The following PBX1 variants were observed in gnomAD, a reference collection of about 807,000 sequenced individuals.
PBX1 encodes the protein PBX homeobox 1.
A neutral mutation model predicts 53.4 loss-of-function variants in PBX1; 6 were observed. The ratio of observed to expected loss-of-function variants is 0.11; its 90% CI spans 0.06 to 0.22. PBX1 has a LOEUF of 0.22. Among genes scored for constraint, PBX1 ranks in the 10% least tolerant of loss-of-function variants. The pLI is 1.00. For synonymous variants in PBX1, 204 were observed against 212.3 expected, an observed-to-expected ratio of 0.96 and a Z score of 0.34; for missense variants, 251 against 551.4, an observed-to-expected ratio of 0.46 and a Z score of 5.46.
intron 8 of PBX1, among the ~76,000 whole-genome samples, chr1:164,842,708 A>G (rs1289423329): frequency 6.6e-6 from 1 of 152,132 alleles, no homozygotes; most frequent in African/African-American, 2.4e-5. Context: ...ACACTCTTCC[A>G]CTAAATTGTT....
At chr1:164,606,650 G>T (rs1363415893) in intron 2 of PBX1, among the ~76,000 whole-genome samples, 1 of 152,168 alleles carries the variant, frequency 6.6e-6, no homozygotes, top group Non-Finnish European at 1.5e-5. Flanking sequence ...TCTCTTTCCT[G>T]CTGGAACATA....
chr1:164,721,881 A>G (rs958405403), intron 2 of PBX1, among the ~76,000 whole-genome samples: 5 of 152,186 alleles, frequency 3.3e-5, no homozygotes, highest in Non-Finnish European at 5.9e-5. Context: ...GTGACAGGCT[A>G]TATTCTAGGC....
chr1:164,821,692 C>A, intron 8 of PBX1, 66 bp downstream of exon 8: 1 of 1,236,472 alleles, frequency 8.1e-7, no homozygotes, highest in Non-Finnish European at 1.2e-6. Flanking sequence ...TATTTCAAAG[C>A]CATAGGGCCC....
At chr1:164,792,408 T>C (rs1558010465) in intron 2 of PBX1, 86 bp from the exon 3 acceptor site, 1 of 1,544,724 alleles carries the variant, frequency 6.5e-7, no homozygotes, top group South Asian at 1.2e-5. Context: ...TGGCAGCTTA[T>C]GTAGCCAAAG....
chr1:164,618,972 G>C (rs1010634910), intron 2 of PBX1, among the ~76,000 whole-genome samples: 2 of 152,200 alleles, frequency 1.3e-5, no homozygotes, highest in Non-Finnish European at 2.9e-5. Flanking sequence ...CATCAGCTTT[G>C]TTTTTAGCGC....
chr1:164,689,196 T>C (rs1344217009), intron 2 of PBX1, among the ~76,000 whole-genome samples: 1 of 152,196 alleles, frequency 6.6e-6, no homozygotes, highest in African/African-American at 2.4e-5. Context: ...TTTATCCTCA[T>C]GAAATATACA....
At position 164,847,032 on chromosome 1, in the gene PBX1, A is replaced by C; in HGVS notation, c.*356A>C. The C allele has an allele frequency of 1.8e-6, 2 of 1,127,594 alleles. No individual in the cohort carries two copies. Among genetic ancestry groups the C allele is most frequent in the Non-Finnish European group, 2.2e-6 (2 of 916,938 alleles). The allele number at this position is 1,127,594 out of a possible 1,614,324, so 69.8% of individuals were successfully genotyped here. A position where few individuals can be genotyped will look rare whatever the true frequency, so the allele number is the denominator to read the frequency against. On this transcript the variant is annotated 3_prime_UTR_variant, in exon 9 of 9. Transcript: ENST00000420696. The stretch of plus-strand genomic sequence containing the variant: ...ACAATTAGAGGAATTTAAAGAGGAA[A>C]AAAATTACAAAGAAAATAATAAAAG...
intron 2 of PBX1, among the ~76,000 whole-genome samples, chr1:164,710,371 C>T (rs914145496): frequency 2.0e-5 from 3 of 151,958 alleles, no homozygotes; most frequent in South Asian, 4.2e-4. Flanking sequence ...ATATATTGAG[C>T]GTGTAGGCAG....
At chr1:164,800,787 G>A (rs1226914969) in intron 4 of PBX1, among the ~76,000 whole-genome samples, 1 of 152,114 alleles carries the variant, frequency 6.6e-6, no homozygotes, top group Admixed American at 6.5e-5. Context: ...TGTGAATTCA[G>A]ATACCATTCA....
At chr1:164,664,644 A>T (rs1456245864) in intron 2 of PBX1, among the ~76,000 whole-genome samples, 1 of 152,212 alleles carries the variant, frequency 6.6e-6, no homozygotes, top group Admixed American at 6.5e-5. Context: ...CTGCTGATAA[A>T]GACATACCCA....
At chr1:164,625,816 A>G (rs1193672401) in intron 2 of PBX1, 24 of 459,182 alleles carry the variant, frequency 5.2e-5, no homozygotes, top group Non-Finnish European at 6.7e-5. Context: ...ATTTAAAAAA[A>G]AAAAAAAAGA....
At chr1:164,790,823 C>T (rs570004729) in intron 2 of PBX1, among the ~76,000 whole-genome samples, 11 of 152,300 alleles carry the variant, frequency 7.2e-5, no homozygotes, top group South Asian at 6.2e-4. Context: ...TATGTGATGA[C>T]GCTCAAACAT....
chr1:164,803,463 G>A (rs780688869), intron 4 of PBX1, among the ~76,000 whole-genome samples: 4 of 152,150 alleles, frequency 2.6e-5, no homozygotes, highest in Non-Finnish European at 4.4e-5. Flanking sequence ...GAGACACAAG[G>A]GTCTCAAATA....
chr1:164,635,348 A>AG (rs879268093), intron 2 of PBX1, among the ~76,000 whole-genome samples: 13 of 152,236 alleles, frequency 8.5e-5, no homozygotes, highest in African/African-American at 2.4e-4. Context: ...GAGGGGAACC[A>AG]GGCTAAACCA....
intron 2 of PBX1, chr1:164,680,266 T>C (rs1187026245): frequency 6.6e-6 from 1 of 152,220 alleles, no homozygotes; most frequent in Non-Finnish European, 1.5e-5. Context: ...ATTTATTATA[T>C]TCATTTACCT....
intron 8 of PBX1, among the ~76,000 whole-genome samples, chr1:164,832,553 G>T (rs1171424728): frequency 6.6e-6 from 1 of 152,112 alleles, no homozygotes; most frequent in Non-Finnish European, 1.5e-5. Flanking sequence ...TAGAATCTAG[G>T]TGTGAAGTAT....
intron 2 of PBX1, among the ~76,000 whole-genome samples, chr1:164,626,884 T>A (rs1658084737): frequency 6.6e-6 from 1 of 152,190 alleles, no homozygotes; most frequent in African/African-American, 2.4e-5. Context: ...AGGTGGGGAA[T>A]CTTTACAGTT....
chr1:164,749,536 T>G (rs1333867062), intron 2 of PBX1, among the ~76,000 whole-genome samples: 2 of 152,180 alleles, frequency 1.3e-5, no homozygotes, highest in East Asian at 3.9e-4. Flanking sequence ...AAGTCCATAT[T>G]CAGGTATTTG....
intron 2 of PBX1, among the ~76,000 whole-genome samples, chr1:164,705,169 C>G (rs1466963210): frequency 1.3e-5 from 2 of 152,152 alleles, no homozygotes; most frequent in East Asian, 3.9e-4. Flanking sequence ...GCAGCATCCC[C>G]ACTCCCCCAT....
Sources: allele counts gnomAD v4.1 joint callset (sites outside exome capture counted in the v4.1 genomes callset), GRCh38; gene constraint gnomAD v4.1.1; transcripts MANE v1.5; gene names NCBI Gene and HGNC (gene_info 2026-07-23, HGNC 2026-07-21).